The following ELAVL4 variants were observed in gnomAD, a reference collection of about 807,000 sequenced individuals.
ELAVL4 encodes ELAV-like protein 4.
A neutral mutation model predicts 35.6 loss-of-function variants in ELAVL4; 1 was observed. The ratio of observed to expected loss-of-function variants is 0.03; its 90% confidence interval spans 0.01 to 0.13. ELAVL4 has a LOEUF of 0.13. Among genes scored for constraint, ELAVL4 ranks in the 10% least tolerant of loss-of-function variants. The probability of loss-of-function intolerance (pLI) is 1.00; values close to 1 mark genes in which losing one functional copy is unlikely to be tolerated. For synonymous variants in ELAVL4, 156 were observed against 171.0 expected, an observed-to-expected ratio of 0.91 and a Z score of 0.69; for missense variants, 267 against 464.9, an observed-to-expected ratio of 0.57 and a Z score of 3.91.
At chr1:50,067,578 T>G (rs867337690) in intron 1 of ELAVL4, among the ~76,000 whole-genome samples, 2 of 152,350 alleles carry the variant, frequency 1.3e-5, no homozygotes, top group Middle Eastern at 3.4e-3. Flanking sequence ...GTTTGTATGT[T>G]CTGTCATTTA....
chr1:50,106,258 A>T, upstream of ELAVL4: 9 of 1,563,330 alleles, frequency 5.8e-6, no homozygotes, highest in Non-Finnish European at 7.9e-6. Flanking sequence ...TGTGTGGGAA[A>T]GCTGGCTGCC....
At chr1:50,179,560 G>T (rs1279655569) in intron 3 of ELAVL4, 1 of 151,988 alleles carries the variant, frequency 6.6e-6, no homozygotes, top group Non-Finnish European at 1.5e-5. Flanking sequence ...GTTTACCTCT[G>T]CTTCAGTTTG....
At chr1:50,133,598 G>A (rs796609727) in intron 1 of ELAVL4, among the ~76,000 whole-genome samples, 1,044 of 36,104 alleles carry the variant, frequency 0.029, 4 homozygotes, top group Non-Finnish European at 0.043. Context: ...AAGAAAGAAA[G>A]AAAAGAAAGA....
upstream of ELAVL4, among the ~76,000 whole-genome samples, chr1:50,099,426 G>A (rs1665861469): frequency 6.6e-6 from 1 of 151,960 alleles, no homozygotes; most frequent in Non-Finnish European, 1.5e-5. Context: ...CGGGCATGGT[G>A]GCGCATGCCT....
chr1:50,178,930 G>C (rs1680562563), intron 3 of ELAVL4, among the ~76,000 whole-genome samples: 2 of 151,436 alleles, frequency 1.3e-5, no homozygotes, highest in Non-Finnish European at 2.9e-5. Flanking sequence ...TCTTCTCCAG[G>C]GGCTTAGGAT....
intron 1 of ELAVL4, among the ~76,000 whole-genome samples, chr1:50,078,963 G>A (rs935159019): frequency 5.9e-5 from 9 of 152,096 alleles, no homozygotes; most frequent in African/African-American, 2.2e-4. Context: ...AGTTTCCATT[G>A]AGTACCATCC....
chr1:50,160,497 A>G (rs1572458681), intron 2 of ELAVL4, among the ~76,000 whole-genome samples: 1 of 152,162 alleles, frequency 6.6e-6, no homozygotes, highest in African/African-American at 2.4e-5. Context: ...ATGTTAGAAC[A>G]TGGTGGTGAG....
Position 50,177,196 on chromosome 1 carries a change from AG to A in ELAVL4, c.354+5del. The A allele has an allele frequency of 6.2e-7, 1 of 1,608,932 alleles. No individual in the cohort carries two copies. Among genetic ancestry groups the A allele is most frequent in the Non-Finnish European group, 8.5e-7 (1 of 1,175,374 alleles). ...ACTCCAGACCAAAACCATAAAGGTA[AG>A]AGGTGATGTGCTGGCTCCTGATTCA... On this transcript the variant is annotated splice_donor_5th_base_variant and intron_variant, in intron 3 of 6. Coordinates refer to ENST00000371824, the MANE Select transcript of ELAVL4 (RefSeq NM_001144774.3).
chr1:50,058,110 T>C (rs551341792), intron 1 of ELAVL4, among the ~76,000 whole-genome samples: 1 of 152,196 alleles, frequency 6.6e-6, no homozygotes. Flanking sequence ...GGGGAAGTGA[T>C]CAGAGTAAAC....
intron 1 of ELAVL4, chr1:50,144,741 T>G: frequency 2.7e-6 from 2 of 753,144 alleles, no homozygotes; most frequent in Non-Finnish European, 4.8e-6. Flanking sequence ...TTCTAGTCTG[T>G]GTTCAAAATC....
At chr1:50,178,748 T>C (rs1680522508) in intron 3 of ELAVL4, among the ~76,000 whole-genome samples, 1 of 152,222 alleles carries the variant, frequency 6.6e-6, no homozygotes, top group Non-Finnish European at 1.5e-5. Flanking sequence ...TCATGTCACC[T>C]GACTCTTTGA....
At chr1:50,051,132 A>C (rs533584209) in intron 1 of ELAVL4, among the ~76,000 whole-genome samples, 26 of 152,282 alleles carry the variant, frequency 1.7e-4, no homozygotes, top group Non-Finnish European at 3.4e-4. Context: ...AACTTTTTAC[A>C]ACATTATGTC....
chr1:50,188,922 G>A (rs538142411), intron 3 of ELAVL4, among the ~76,000 whole-genome samples: 27 of 152,320 alleles, frequency 1.8e-4, no homozygotes, highest in South Asian at 1.5e-3. Context: ...CCTGTTGGAA[G>A]CAGCCCTCTG....
At chr1:50,187,882 G>A (rs1166550073) in intron 3 of ELAVL4, among the ~76,000 whole-genome samples, 2 of 152,146 alleles carry the variant, frequency 1.3e-5, no homozygotes, top group African/African-American at 4.8e-5. Flanking sequence ...GATCATCTGA[G>A]GTCAGGAGTT....
upstream of ELAVL4, chr1:50,103,789 A>C: frequency 1.1e-6 from 1 of 877,880 alleles, no homozygotes; most frequent in Non-Finnish European, 1.7e-6. Context: ...TGTTCACTCT[A>C]CCTTCCCACC....
intron 1 of ELAVL4, among the ~76,000 whole-genome samples, chr1:50,136,201 G>C (rs930482782): frequency 6.6e-6 from 1 of 152,030 alleles, no homozygotes; most frequent in Non-Finnish European, 1.5e-5. Context: ...AGAGAAGTGA[G>C]GAATTTTACA....
chr1:50,157,894 G>A (rs1479734686), intron 2 of ELAVL4, among the ~76,000 whole-genome samples: 2 of 152,206 alleles, frequency 1.3e-5, no homozygotes, highest in East Asian at 3.9e-4. Flanking sequence ...GAGAGGAAGA[G>A]GAGGTATAGG....
chr1:50,124,117 C>A (rs1397038463), intron 1 of ELAVL4, among the ~76,000 whole-genome samples: 4 of 152,014 alleles, frequency 2.6e-5, no homozygotes, highest in Admixed American at 6.6e-5. Flanking sequence ...GACCCAAATC[C>A]CCCTTGTTGT....
chr1:50,154,669 C>T (rs1386055910), intron 2 of ELAVL4, among the ~76,000 whole-genome samples: 4 of 151,976 alleles, frequency 2.6e-5, no homozygotes, highest in African/African-American at 4.8e-5. Context: ...CTTCCTTTGA[C>T]GAGTCAAGAG....
Sources: gnomAD v4.1 joint callset for allele counts (sites outside exome capture counted in the v4.1 genomes callset) on GRCh38, gnomAD v4.1.1 for gene constraint, MANE v1.5 for transcripts, NCBI Gene and HGNC (gene_info 2026-07-23, HGNC 2026-07-21) for gene names.